Variants in EPX observed in about 807,000 individuals in gnomAD.
EPX encodes eosinophil peroxidase.
In EPX, 60 loss-of-function variants were observed where a neutral mutation model predicts 73.0. That is an observed-to-expected ratio of 0.82 (90% CI 0.67 to 1.02). The LOEUF (loss-of-function observed/expected upper bound fraction) is 1.02. Among genes scored for constraint, EPX ranks in the 50% least tolerant of loss-of-function variants. EPX has a pLI of 0.00. For missense variants in EPX, 950 were observed against 973.9 expected (o/e 0.98, Z 0.33); for synonymous variants, 347 against 389.2 (o/e 0.89, Z 1.28).
Position 58,192,938 on chromosome 17 carries a change from A to T in EPX, c.76+16A>T, listed in dbSNP as rs1286936582. 6.8e-6 allele frequency: 11 copies of T among 1,612,484 alleles called. No individual in the cohort carries two copies. In the Admixed American group the frequency reaches 1.8e-4, roughly 27 times the overall value. ...ACTGACCCAGGTAATAGTCCCCTAG[A>T]CAGGCAAGGAGGAGGGAGGGGAAAT... is the stretch of plus-strand genomic sequence containing the variant. On this transcript the variant is annotated intron_variant, in intron 1 of 12. Transcript: ENST00000225371.
chr17:58,203,715 G>A (rs1278149354), intron 11 of EPX, among the ~76,000 whole-genome samples: 3 of 151,684 alleles, frequency 2.0e-5, no homozygotes, highest in Admixed American at 1.3e-4. Flanking sequence ...GGCGGATCAC[G>A]AGGTCAGGAG....
At chr17:58,202,990 C>A in intron 10 of EPX, 91 bp from the exon 11 acceptor site, 9 of 946,894 alleles carry the variant, frequency 9.5e-6, no homozygotes, top group Non-Finnish European at 1.4e-5. Flanking sequence ...TATTGACTGG[C>A]CACAGCTTCC....
At position 58,203,314 on chromosome 17, in the gene EPX, G is replaced by A. The variant is rs141055426; in HGVS notation, c.1942G>A (p.Asp648Asn). Residue 648 changes from aspartate to asparagine, a missense_variant, in exon 11 of 13, where the codon GAC (aspartate) becomes AAC (asparagine). Coordinates refer to ENST00000225371, the MANE Select transcript of EPX (RefSeq NM_000502.6). ...ENQFRRARDG[D>N]RFWWQKRGVF... ...CCAGTTCAGAAGAGCCCGAGACGGA[G>A]ACAGGTAAGTGACCCTATCATAAAA... 6.3e-5 allele frequency: 101 copies of A among 1,607,756 alleles called. No individual in the cohort carries two copies. The East Asian group carries it at 2.1e-3, about 34-fold the overall frequency.
chr17:58,193,964 A>T lies in EPX; in HGVS notation c.466A>T (p.Arg156Trp), dbSNP rs1276721314. Residue 156 changes from arginine (R) to tryptophan (W), a missense_variant and splice_region_variant, in exon 5 of 13, where the codon AGG becomes TGG. Coordinates refer to ENST00000225371, the MANE Select transcript of EPX (RefSeq NM_000502.6). ...AACCTATCCCACCCATGGCTGCAGGAGGAGACCCTTGCTAGGGGCCTCCAA... is the reference window on the plus strand; with the variant it reads ...AACCTATCCCACCCATGGCTGCAGGTGGAGACCCTTGCTAGGGGCCTCCAA... ...RTITGRCNNK[R>W]RPLLGASNQA... The T allele has an allele frequency of 1.2e-6, 2 of 1,612,930 alleles. No homozygotes were observed. Among genetic ancestry groups the T allele is most frequent in the Non-Finnish European group, 1.7e-6 (2 of 1,180,014 alleles).
intron 6 of EPX, among the ~76,000 whole-genome samples, chr17:58,195,744 G>A (rs1057046207): frequency 6.6e-6 from 1 of 152,038 alleles, no homozygotes; most frequent in Non-Finnish European, 1.5e-5. Flanking sequence ...ACACACACAT[G>A]TACACACACA....
In EPX at chr17:58,204,320, C is replaced by T; in HGVS notation, c.2045C>T (p.Thr682Ile). 6.2e-7 allele frequency: 1 copy of T among 1,613,266 alleles called. No individual in the cohort carries two copies. Among genetic ancestry groups the T allele is most frequent in the Non-Finnish European group, 8.5e-7 (1 of 1,179,220 alleles). ...SRIICDNTGI[T>I]TVSRDIFRAN... is the part of the protein sequence containing the mutation. The stretch of plus-strand genomic sequence containing the variant: ...ATTATATGTGACAATACCGGTATCA[C>T]CACGGTTTCAAGGGACATCTTCAGA... Residue 682 changes from threonine to isoleucine, a missense_variant, in exon 12 of 13, where the codon ACC (threonine) becomes ATC (isoleucine). Coordinates refer to ENST00000225371, the MANE Select transcript of EPX (RefSeq NM_000502.6).
At position 58,192,862 on chromosome 17, in the gene EPX, G is replaced by A; in HGVS notation, c.16G>A (p.Ala6Thr). 6.2e-7 allele frequency: 1 copy of A among 1,614,122 alleles called. No homozygotes were observed. The change falls in exon 1 of 13, where the codon GCC (alanine) becomes ACC (threonine). Residue 6 changes from alanine (A) to threonine (T), a missense_variant. By Grantham distance (58) the Ala-to-Thr change is moderately conservative. Transcript: ENST00000225371. MHLLP[A>T]LAGVLATLVL... ...CGCTGCAGAGATGCATCTGCTCCCA[G>A]CCCTGGCAGGGGTCCTGGCCACACT...
Position 58,203,099 on chromosome 17 carries a change from G to A in EPX, c.1727G>A (p.Arg576His), listed in dbSNP as rs753697654. The A allele has an allele frequency of 8.9e-5, 143 of 1,613,746 alleles. 1 individual carries two copies. The highest frequency in any genetic ancestry group is 1.8e-4 in the South Asian group (16 of 91,060). ...HGLPGYNAWR[R>H]FCGLSQPRNL... ...CCTGCAGGGTACAATGCTTGGAGGC[G>A]CTTCTGTGGGCTCTCCCAGCCCCGG... The change falls in exon 11 of 13, where the codon CGC (arginine) becomes CAC (histidine). Residue 576 changes from arginine to histidine, a missense_variant. Arg to His is a conservative substitution (Grantham distance 29, BLOSUM62 0). Coordinates refer to ENST00000225371, the MANE Select transcript of EPX (RefSeq NM_000502.6).
chr17:58,203,324 T>C lies in EPX; in HGVS notation c.1946+6T>C, dbSNP rs1968368485. 3 of 1,593,326 alleles carry C rather than the reference T, an allele frequency of 1.9e-6. No individual in the cohort carries two copies. Among genetic ancestry groups the C allele is most frequent in the African/African-American group, 1.3e-5 (1 of 74,640 alleles). On this transcript the variant is annotated splice_donor_region_variant and intron_variant, in intron 11 of 12. Transcript: ENST00000225371. ...AGAGCCCGAGACGGAGACAGGTAAG[T>C]GACCCTATCATAAAAGACATCAGCA... is the stretch of plus-strand genomic sequence containing the variant.
chr17:58,196,031 T>G (rs927398076), intron 6 of EPX, among the ~76,000 whole-genome samples: 2 of 130,334 alleles, frequency 1.5e-5, no homozygotes, highest in African/African-American at 6.2e-5. Context: ...CTTCCTTCCT[T>G]TCTTTCTTTC....
chr17:58,195,320 G>A (rs1207903517), intron 6 of EPX, 150 bp downstream of exon 6: 8 of 724,546 alleles, frequency 1.1e-5, no homozygotes, highest in African/African-American at 1.7e-5. Flanking sequence ...AAACACAGCT[G>A]AGCAGAGACC....
chr17:58,199,086 C>T lies in EPX; in HGVS notation c.1167C>T (p.Thr389=). Residue 389 remains threonine (T), a synonymous_variant, in exon 8 of 13, where the codon ACC becomes ACT. Coordinates refer to ENST00000225371, the MANE Select transcript of EPX (RefSeq NM_000502.6). Reference sequence around the variant, plus strand: ...CCCCCAAACTGGCAGCCATGCACACCCTCTTTATGCGAGAGCACAACCGGC... The same window carrying T: ...CCCCCAAACTGGCAGCCATGCACACTCTCTTTATGCGAGAGCACAACCGGC... ...TETPKLAAMH[T]LFMREHNRLA... The T allele has an allele frequency of 6.2e-7, 1 of 1,614,070 alleles. No individual in the cohort carries two copies. The highest frequency in any genetic ancestry group is 8.5e-7 in the Non-Finnish European group (1 of 1,179,996).
Position 58,193,707 on chromosome 17 carries a change from C to G in EPX, c.347-7C>G. 1 of 1,606,388 alleles carries G rather than the reference C, an allele frequency of 6.2e-7. No homozygotes were observed. The highest frequency in any genetic ancestry group is 8.5e-7 in the Non-Finnish European group (1 of 1,174,586). Reference sequence around the variant, plus strand: ...CAGCTCAGGTCTGCCCATTTGCCTTCCCACAGATGTGCTAACAGAACCACA... The same window carrying G: ...CAGCTCAGGTCTGCCCATTTGCCTTGCCACAGATGTGCTAACAGAACCACA... On this transcript the variant is annotated splice_polypyrimidine_tract_variant and splice_region_variant and intron_variant, in intron 3 of 12. Transcript: ENST00000225371.
chr17:58,194,167 G>A (rs1968223253), intron 5 of EPX, 75 bp downstream of exon 5: 19 of 1,493,182 alleles, frequency 1.3e-5, no homozygotes, highest in South Asian at 3.5e-5. Context: ...CCAGAGTCAC[G>A]CAGGCAGGGC....
rs1426553003 is a variant in EPX at position 58,199,038 on chromosome 17, A to T, written c.1121-2A>T. The T allele has an allele frequency of 6.2e-7, 1 of 1,613,516 alleles. No individual in the cohort carries two copies. ...AGTAAATCTGAGCTTGGGGTTTTCA[A>T]GGTGACACCCGATCAACGGAAACCC... is the stretch of plus-strand genomic sequence containing the variant. On this transcript the variant is annotated splice_acceptor_variant, in intron 7 of 12. Coordinates refer to ENST00000225371, the MANE Select transcript of EPX (RefSeq NM_000502.6). LOFTEE classifies it high-confidence loss of function.
At chr17:58,197,323 C>A in intron 7 of EPX, 66 bp downstream of exon 7, 1 of 1,576,918 alleles carries the variant, frequency 6.3e-7, no homozygotes. Flanking sequence ...AACTGGGAAG[C>A]AATGGTGGGA....
intron 6 of EPX, 145 bp downstream of exon 6, chr17:58,195,315 C>T (rs767429068): frequency 1.3e-4 from 99 of 736,120 alleles, no homozygotes; most frequent in Non-Finnish European, 2.0e-4. Flanking sequence ...ACAAGAAACA[C>T]AGCTGAGCAG....
At chr17:58,194,915 TG>T in intron 5 of EPX, 48 bp from the exon 6 acceptor site, 1 of 1,455,760 alleles carries the variant, frequency 6.9e-7, no homozygotes, top group Non-Finnish European at 9.6e-7. Flanking sequence ...TCTAATACCT[TG>T]TGGGGTCAGG....
intron 2 of EPX, 52 bp from the exon 3 acceptor site, chr17:58,193,319 C>T: frequency 1.3e-6 from 2 of 1,586,688 alleles, no homozygotes; most frequent in Non-Finnish European, 1.7e-6. Flanking sequence ...TGGGTCTCTG[C>T]TGGGTGGGTC....
Sources: allele counts gnomAD v4.1 joint callset (sites outside exome capture counted in the v4.1 genomes callset), GRCh38; gene constraint gnomAD v4.1.1; transcripts MANE v1.5; gene names NCBI Gene and HGNC (gene_info 2026-07-23, HGNC 2026-07-21).